The following ARHGAP8 variants were observed in gnomAD, a reference collection of about 807,000 sequenced individuals.
The protein encoded by ARHGAP8 is Rho GTPase activating protein 8.
ARHGAP8 carries 62 observed loss-of-function variants against 46.1 expected under a neutral mutation model. The observed-to-expected ratio is 1.34, with a 90% CI of 1.10 to 1.66. The LOEUF is 1.66. Ranked by LOEUF, ARHGAP8 falls within the 40% of genes most tolerant of loss-of-function variation. The probability of loss-of-function intolerance (pLI) is 0.00; values close to 1 mark genes in which losing one functional copy is unlikely to be tolerated. For missense variants in ARHGAP8, 923 were observed against 568.4 expected (o/e 1.62, Z -6.34); for synonymous variants, 375 against 243.1 (o/e 1.54, Z -5.05).
At chr22:44,802,987 TGC>T (rs1928662163) in intron 3 of ARHGAP8, among the ~76,000 whole-genome samples, 1 of 52,132 alleles carries the variant, frequency 1.9e-5, no homozygotes, top group Non-Finnish European at 4.0e-5. Context: ...GACAAGGGCC[TGC>T]TGCTGCTGCT....
chr22:44,824,488 G>T (rs1382999839), intron 6 of ARHGAP8, among the ~76,000 whole-genome samples: 6 of 152,156 alleles, frequency 3.9e-5, no homozygotes, highest in Admixed American at 2.0e-4. Context: ...CCAACTAATG[G>T]TCATGTGCCC....
chr22:44,856,686 G>T (rs1181063425), intron 10 of ARHGAP8, among the ~76,000 whole-genome samples: 1 of 144,374 alleles, frequency 6.9e-6, no homozygotes, highest in Non-Finnish European at 1.5e-5. Flanking sequence ...AAGGAGAATC[G>T]TATCCCATGA....
At chr22:44,763,491 CAAA>C (rs370437700) in intron 1 of ARHGAP8, among the ~76,000 whole-genome samples, 4 of 78,498 alleles carry the variant, frequency 5.1e-5, no homozygotes, top group Admixed American at 1.7e-4. Flanking sequence ...GACTCTGTCT[CAAA>C]AAAAAAAAAA....
rs377700093 is a variant in ARHGAP8, at chr22:44,816,517, G to A, written c.386+1759G>A. On this transcript the variant is annotated intron_variant, in intron 5 of 11. Transcript: ENST00000356099. ...GCAAGCACTGGTCCTTGGGCACATC[G>A]AGAGCTACTCTGCAGCCAGACACAG... Among the ~76,000 whole-genome samples the A allele has an allele frequency of 7.8e-4, 119 of 152,222 alleles. 2 individuals are homozygous for A. The highest frequency in any genetic ancestry group is 1.2e-3 in the Non-Finnish European group (84 of 68,010).
chr22:44,795,272 C>T (rs1006586483), intron 2 of ARHGAP8, among the ~76,000 whole-genome samples: 1 of 152,046 alleles, frequency 6.6e-6, no homozygotes, highest in Non-Finnish European at 1.5e-5. Context: ...AGGGACGTGA[C>T]CCAGTGTGGG....
At chr22:44,833,091 C>A (rs141963441) in intron 7 of ARHGAP8, among the ~76,000 whole-genome samples, 87 of 126,878 alleles carry the variant, frequency 6.9e-4, no homozygotes, top group African/African-American at 2.7e-3. Flanking sequence ...CTTTTCTTTT[C>A]TTTTCTTTTT....
intron 1 of ARHGAP8, among the ~76,000 whole-genome samples, chr22:44,759,745 C>G (rs1286129565): frequency 6.6e-6 from 1 of 152,168 alleles, no homozygotes; most frequent in Non-Finnish European, 1.5e-5. Context: ...GAGATTGCCT[C>G]GTGCTGATTA....
At chr22:44,795,205 A>G (rs1392808667) in intron 2 of ARHGAP8, among the ~76,000 whole-genome samples, 1 of 152,090 alleles carries the variant, frequency 6.6e-6, no homozygotes, top group Non-Finnish European at 1.5e-5. Flanking sequence ...GTGTTTAATA[A>G]GTGTTTATTG....
chr22:44,769,378 T>A (rs776590686), intron 1 of ARHGAP8, among the ~76,000 whole-genome samples: 6 of 152,324 alleles, frequency 3.9e-5, no homozygotes, highest in Admixed American at 1.3e-4. Flanking sequence ...TTATAATAGG[T>A]CTTGAGATCA....
At chr22:44,761,115 T>C (rs192849236) in intron 1 of ARHGAP8, among the ~76,000 whole-genome samples, 4 of 152,356 alleles carry the variant, frequency 2.6e-5, no homozygotes, top group Admixed American at 2.6e-4. Context: ...GGATACTGTT[T>C]GAGCAAATCC....
chr22:44,807,962 C>G (rs1929049858), intron 3 of ARHGAP8, among the ~76,000 whole-genome samples: 1 of 152,190 alleles, frequency 6.6e-6, no homozygotes, highest in Non-Finnish European at 1.5e-5. Flanking sequence ...AGGATGAGCC[C>G]CTCCTCTCAA....
intron 7 of ARHGAP8, among the ~76,000 whole-genome samples, chr22:44,841,676 C>T (rs1292528401): frequency 6.6e-6 from 1 of 152,182 alleles, no homozygotes; most frequent in Non-Finnish European, 1.5e-5. Context: ...GGGGCTCGGC[C>T]CACCTCCATG....
At chr22:44,791,211 C>T (rs868024923) in intron 2 of ARHGAP8, among the ~76,000 whole-genome samples, 4 of 152,134 alleles carry the variant, frequency 2.6e-5, no homozygotes, top group Non-Finnish European at 5.9e-5. Flanking sequence ...GTGCAGTCTA[C>T]TGTGGTCCTT....
At chr22:44,768,481 T>A (rs1341479191) in intron 1 of ARHGAP8, among the ~76,000 whole-genome samples, 6 of 146,698 alleles carry the variant, frequency 4.1e-5, no homozygotes, top group African/African-American at 7.7e-5. Context: ...TTTTTTTTTT[T>A]ATCTTGTAGA....
intron 2 of ARHGAP8, among the ~76,000 whole-genome samples, chr22:44,794,554 C>T (rs966223558): frequency 1.3e-5 from 2 of 151,958 alleles, no homozygotes; most frequent in Non-Finnish European, 2.9e-5. Context: ...ACTAAAAATA[C>T]AAAAAATTAG....
intron 7 of ARHGAP8, among the ~76,000 whole-genome samples, chr22:44,827,455 G>A (rs942364041): frequency 4.3e-5 from 6 of 139,694 alleles, no homozygotes; most frequent in Middle Eastern, 4.0e-3. Flanking sequence ...CAATTCTCCT[G>A]CCTCAGCCTC....
At chr22:44,808,205 G>A (rs1335378073) in intron 3 of ARHGAP8, 102 bp from the exon 4 acceptor site, 2 of 1,523,794 alleles carry the variant, frequency 1.3e-6, no homozygotes, top group Non-Finnish European at 1.8e-6. Context: ...GCCCGGTGCT[G>A]GCACCTACTG....
At chr22:44,859,148 A>C (rs1052714267) in intron 10 of ARHGAP8, among the ~76,000 whole-genome samples, 9 of 152,182 alleles carry the variant, frequency 5.9e-5, no homozygotes, top group African/African-American at 9.7e-5. Flanking sequence ...CTGCTGGCTG[A>C]TAAAGCAGAG....
intron 1 of ARHGAP8, among the ~76,000 whole-genome samples, chr22:44,760,650 T>C (rs1418424631): frequency 1.3e-5 from 2 of 152,256 alleles, no homozygotes; most frequent in African/African-American, 4.8e-5. Flanking sequence ...AATTTGTAGC[T>C]ACAGCATTAA....
Sources: allele counts gnomAD v4.1 joint callset (sites outside exome capture counted in the v4.1 genomes callset), GRCh38; gene constraint gnomAD v4.1.1; transcripts MANE v1.5; gene names NCBI Gene and HGNC (gene_info 2026-07-23, HGNC 2026-07-21).